The following COX7B2 variants were observed in gnomAD, a reference collection of about 807,000 sequenced individuals.
The protein encoded by COX7B2 is cytochrome c oxidase subunit 7B2, mitochondrial.
For synonymous variants in COX7B2, 37 were observed against 32.1 expected (o/e 1.15, Z -0.51); for missense variants, 109 against 95.9 (o/e 1.14, Z -0.57).
intron 2 of COX7B2, among the ~76,000 whole-genome samples, chr4:46,808,453 A>G (rs1719118114): frequency 6.6e-6 from 1 of 151,786 alleles, no homozygotes; most frequent in Non-Finnish European, 1.5e-5. Flanking sequence ...TACATATAGA[A>G]TTATATCATG....
intron 2 of COX7B2, among the ~76,000 whole-genome samples, chr4:46,780,498 C>G (rs1717390576): frequency 6.6e-6 from 1 of 152,152 alleles, no homozygotes; most frequent in Admixed American, 6.5e-5. Flanking sequence ...GCCTGGGTGA[C>G]AGAGAGAGAC....
chr4:46,812,355 G>C (rs1719326111), intron 2 of COX7B2, among the ~76,000 whole-genome samples: 1 of 125,232 alleles, frequency 8.0e-6, no homozygotes, highest in Non-Finnish European at 1.6e-5. Flanking sequence ...CACCAGCATG[G>C]ATCTGAATAA....
At chr4:46,809,984 T>G (rs1719202418) in intron 2 of COX7B2, among the ~76,000 whole-genome samples, 1 of 152,024 alleles carries the variant, frequency 6.6e-6, no homozygotes, top group Non-Finnish European at 1.5e-5. Flanking sequence ...TTCATGACAT[T>G]CAGTCACAAT....
intron 2 of COX7B2, among the ~76,000 whole-genome samples, chr4:46,738,773 T>C (rs1714524461): frequency 6.6e-6 from 1 of 151,964 alleles, no homozygotes; most frequent in African/African-American, 2.4e-5. Flanking sequence ...CTGACAAAAA[T>C]AGACTACAAA....
intron 1 of COX7B2, among the ~76,000 whole-genome samples, chr4:46,883,452 T>C (rs1161605251): frequency 1.3e-5 from 2 of 152,150 alleles, no homozygotes; most frequent in South Asian, 2.1e-4. Context: ...AAATATTTAA[T>C]TGGCTGGGCA....
chr4:46,837,274 TACACACAC>T (rs33927124), intron 2 of COX7B2, among the ~76,000 whole-genome samples: 2,109 of 133,340 alleles, frequency 0.016, 44 homozygotes, highest in African/African-American at 0.052. Flanking sequence ...CACAAAGACA[TACACACAC>T]ACACACACAC....
chr4:46,793,753 C>T (rs1718172852), intron 2 of COX7B2, among the ~76,000 whole-genome samples: 1 of 152,198 alleles, frequency 6.6e-6, no homozygotes. Context: ...GTTGAACCCC[C>T]AGCCTCATAG....
chr4:46,847,985 C>T (rs1447034178), intron 1 of COX7B2, among the ~76,000 whole-genome samples: 1 of 151,984 alleles, frequency 6.6e-6, no homozygotes, highest in Non-Finnish European at 1.5e-5. Flanking sequence ...GAAAGTGTTT[C>T]TGTTCTTTTT....
At chr4:46,832,642 G>T (rs535831888) in intron 2 of COX7B2, among the ~76,000 whole-genome samples, 55 of 152,240 alleles carry the variant, frequency 3.6e-4, no homozygotes, top group African/African-American at 1.3e-3. Context: ...CTAGAGGGAG[G>T]TGATTGGCGC....
chr4:46,809,339 T>A (rs541552917), intron 2 of COX7B2, among the ~76,000 whole-genome samples: 3 of 151,934 alleles, frequency 2.0e-5, no homozygotes, highest in East Asian at 3.9e-4. Context: ...TTGTTCTTTT[T>A]CTAGTTCCTT....
intron 2 of COX7B2, among the ~76,000 whole-genome samples, chr4:46,818,719 A>G (rs1356377690): frequency 2.0e-5 from 3 of 152,206 alleles, no homozygotes; most frequent in Non-Finnish European, 4.4e-5. Context: ...GTAAGTACAC[A>G]AAAATTTTGT....
intron 2 of COX7B2, among the ~76,000 whole-genome samples, chr4:46,827,725 A>C (rs1200589173): frequency 6.6e-6 from 1 of 152,168 alleles, no homozygotes; most frequent in Non-Finnish European, 1.5e-5. Flanking sequence ...AGAGCACCAG[A>C]AATGGCAAAC....
At chr4:46,789,440 CTG>C (rs1717922144) in intron 2 of COX7B2, among the ~76,000 whole-genome samples, 1 of 152,086 alleles carries the variant, frequency 6.6e-6, no homozygotes, top group Non-Finnish European at 1.5e-5. Context: ...AATATTAACA[CTG>C]TTTATTTAAT....
At chr4:46,908,309 A>G (rs765825571) in intron 1 of COX7B2, among the ~76,000 whole-genome samples, 1 of 152,088 alleles carries the variant, frequency 6.6e-6, no homozygotes, top group Non-Finnish European at 1.5e-5. Context: ...ACTTAGAAAA[A>G]ACTGCCTCTA....
At chr4:46,797,464 A>C (rs996145458) in intron 2 of COX7B2, among the ~76,000 whole-genome samples, 1 of 152,174 alleles carries the variant, frequency 6.6e-6, no homozygotes, top group Non-Finnish European at 1.5e-5. Flanking sequence ...GGAATGTACA[A>C]TTGGAACGGA....
At chr4:46,887,470 G>C (rs1386194547) in intron 1 of COX7B2, among the ~76,000 whole-genome samples, 2 of 152,024 alleles carry the variant, frequency 1.3e-5, no homozygotes, top group Non-Finnish European at 2.9e-5. Context: ...CCAGCACTTT[G>C]GGAGGCCAAG....
intron 1 of COX7B2, among the ~76,000 whole-genome samples, chr4:46,906,081 G>T (rs960353167): frequency 1.3e-5 from 2 of 151,464 alleles, no homozygotes; most frequent in African/African-American, 4.9e-5. Flanking sequence ...CACCCGCCTC[G>T]GCCTCCCAAA....
intron 2 of COX7B2, 98 bp downstream of exon 2, chr4:46,844,862 A>C (rs1235853024): frequency 6.6e-6 from 1 of 151,958 alleles, no homozygotes; most frequent in Non-Finnish European, 1.5e-5. Flanking sequence ...ATTCAGTGTG[A>C]ATTTTATTTT....
chr4:46,854,298 A>G (rs1716874519), intron 1 of COX7B2, among the ~76,000 whole-genome samples: 1 of 152,186 alleles, frequency 6.6e-6, no homozygotes, highest in South Asian at 2.1e-4. Flanking sequence ...TTTACATAAT[A>G]TATGAAAGGA....
Sources: gnomAD v4.1 joint callset for allele counts (sites outside exome capture counted in the v4.1 genomes callset) on GRCh38, gnomAD v4.1.1 for gene constraint, MANE v1.5 for transcripts, NCBI Gene and HGNC (gene_info 2026-07-23, HGNC 2026-07-21) for gene names.